The following SLC5A10 variants were observed in gnomAD, a reference collection of about 807,000 sequenced individuals.
The protein encoded by SLC5A10 is sodium/mannose cotransporter SLC5A10.
In SLC5A10, 55 loss-of-function variants were observed where a neutral mutation model predicts 68.9. The observed-to-expected ratio is 0.80, with a 90% CI of 0.64 to 1.00. The LOEUF (loss-of-function observed/expected upper bound fraction) is 1.00. SLC5A10 is among the 50% of genes least tolerant of loss of function. The pLI is 0.00. For synonymous variants in SLC5A10, 344 were observed against 344.8 expected (o/e 1.00, Z 0.02); for missense variants, 732 against 819.3 (o/e 0.89, Z 1.30).
chr17:18,979,096 C>T (rs895134272), intron 9 of SLC5A10: 2 of 574,308 alleles, frequency 3.5e-6, no homozygotes, highest in Non-Finnish European at 6.2e-6. Flanking sequence ...CAGGCTGGTA[C>T]AGGATTCACT....
In SLC5A10 at chr17:18,987,120, G is replaced by C. The variant is rs144046929; in HGVS notation, c.982+10131G>C. ...CAAATGCTGACAAATTACAGGCGTG[G>C]AGCCCGGCCCCTTGTTAACCAGACT... On this transcript the variant is annotated intron_variant, in intron 9 of 14. Coordinates refer to ENST00000395645, the MANE Select transcript of SLC5A10 (RefSeq NM_001042450.4). Among the ~76,000 whole-genome samples the C allele has an allele frequency of 4.3e-3, 656 of 152,298 alleles. 6 individuals carry two copies. Among genetic ancestry groups the C allele is most frequent in the African/African-American group, 0.015 (604 of 41,552 alleles).
At chr17:18,953,504 C>T (rs1433272389) in intron 1 of SLC5A10, 1 of 152,676 alleles carries the variant, frequency 6.5e-6, no homozygotes, top group Non-Finnish European at 1.5e-5. Flanking sequence ...CTGGTCACGT[C>T]CCCTCAGCTT....
At chr17:18,959,089 G>A (rs767267599) in intron 2 of SLC5A10, 46 bp from the exon 3 acceptor site, 15 of 1,571,010 alleles carry the variant, frequency 9.5e-6, no homozygotes, top group South Asian at 1.1e-5. Flanking sequence ...GGATGGGGCC[G>A]GCGCAGGGAG....
At position 18,997,024 on chromosome 17, in the gene SLC5A10, G is replaced by A. The variant is rs574801563; in HGVS notation, c.983-16386G>A. ...GAAACTGGATGAACTCTGAGGTCCC[G>A]TTCCCCTTGACATTCATCAGCTCTG... is the stretch of plus-strand genomic sequence containing the variant. On this transcript the variant is annotated intron_variant, in intron 9 of 14. Coordinates refer to ENST00000395645, the MANE Select transcript of SLC5A10 (RefSeq NM_001042450.4). Among the ~76,000 whole-genome samples the A allele has an allele frequency of 7.2e-5, 11 of 152,298 alleles. No homozygotes were observed. In the South Asian group the frequency reaches 2.3e-3, roughly 32 times the overall value.
chr17:18,972,102 C>T (rs896737444), intron 8 of SLC5A10, among the ~76,000 whole-genome samples: 1 of 152,156 alleles, frequency 6.6e-6, no homozygotes, highest in Admixed American at 6.5e-5. Flanking sequence ...TGACTCTGGC[C>T]CTGCCCTCAA....
At chr17:19,006,974 A>G (rs771645883) in intron 9 of SLC5A10, among the ~76,000 whole-genome samples, 12 of 152,294 alleles carry the variant, frequency 7.9e-5, no homozygotes, top group African/African-American at 1.4e-4. Context: ...GATTATTACA[A>G]ATAACCTTGT....
chr17:18,978,977 G>A, intron 9 of SLC5A10: 1 of 1,079,674 alleles, frequency 9.3e-7, no homozygotes, highest in East Asian at 2.6e-5. Context: ...AGTGAATGGG[G>A]GCAGAGAGCA....
At position 18,996,586 on chromosome 17, in the gene SLC5A10, G is replaced by A. The variant is rs771410158; in HGVS notation, c.983-16824G>A. 3.3e-5 allele frequency among the ~76,000 whole-genome samples: 5 copies of A among 152,074 alleles called. No individual in the cohort carries two copies. The highest frequency in any genetic ancestry group is 7.4e-5 in the Non-Finnish European group (5 of 68,002). ...CATCTTGCCTCCCAGGGTAAAGGGA[G>A]TCTGTGTACTTGGTAACAAATGCTG... On this transcript the variant is annotated intron_variant, in intron 9 of 14. Coordinates refer to ENST00000395645, the MANE Select transcript of SLC5A10 (RefSeq NM_001042450.4). The surrounding 1 kb of genome is among the most constrained non-coding windows in gnomAD (Gnocchi z 4.4).
rs144827085 is a variant in SLC5A10 at position 19,008,881 on chromosome 17, C to T, written c.983-4529C>T. Reference sequence around the variant, plus strand: ...AGGCTGGAGTGCAATGGCCTGATCTCGGCTCACTGCAACCTCCATCTCCCA... The same window carrying T: ...AGGCTGGAGTGCAATGGCCTGATCTTGGCTCACTGCAACCTCCATCTCCCA... On this transcript the variant is annotated intron_variant, in intron 9 of 14. Coordinates refer to ENST00000395645, the MANE Select transcript of SLC5A10 (RefSeq NM_001042450.4). Among the ~76,000 whole-genome samples the T allele has an allele frequency of 3.7e-3, 564 of 150,582 alleles. 1 individual carries two copies. The highest frequency in any genetic ancestry group is 0.013 in the African/African-American group (522 of 40,934).
At chr17:19,002,851 G>T (rs2043766003) in intron 9 of SLC5A10, among the ~76,000 whole-genome samples, 1 of 152,104 alleles carries the variant, frequency 6.6e-6, no homozygotes, top group Non-Finnish European at 1.5e-5. Flanking sequence ...AAGGCTTGAG[G>T]TCCCTTCCGG....
At chr17:18,977,487 G>A (rs1359534611) in intron 9 of SLC5A10, 1 of 1,236,736 alleles carries the variant, frequency 8.1e-7, no homozygotes. Flanking sequence ...AGTCATCAGA[G>A]TCAGGGACAT....
chr17:18,971,373 G>T lies in SLC5A10; in HGVS notation c.846+155G>T, dbSNP rs1175946051. The T allele has an allele frequency of 8.8e-6, 13 of 1,483,390 alleles. No individual in the cohort carries two copies. The highest frequency in any genetic ancestry group is 1.2e-5 in the Non-Finnish European group (13 of 1,123,738). The allele number at this position is 1,483,390 out of a possible 1,614,324, so 91.9% of individuals were successfully genotyped here. A position where few individuals can be genotyped will look rare whatever the true frequency, so the allele number is the denominator to read the frequency against. The stretch of plus-strand genomic sequence containing the variant: ...GGGACATGCTGCTAGGGGTCTTTGC[G>T]GTCCCGGGGGGCTTGAGCCCTCCGT... On this transcript the variant is annotated intron_variant, in intron 8 of 14. Coordinates refer to ENST00000395645, the MANE Select transcript of SLC5A10 (RefSeq NM_001042450.4). This position sits in a 1 kb window ranked among gnomAD's most constrained non-coding sequence, Gnocchi z 5.5.
At position 19,022,522 on chromosome 17, in the gene SLC5A10, C is replaced by CA. The variant is rs1408527451; in HGVS notation, c.*2094dup. 3 of 212,586 alleles carry CA rather than the reference C, an allele frequency of 1.4e-5. No individual in the cohort carries two copies. The highest frequency in any genetic ancestry group is 2.8e-5 in the Non-Finnish European group (3 of 108,092). 13.2% of individuals were successfully genotyped at this position (212,586 alleles called of 1,614,324 possible). A position where few individuals can be genotyped will look rare whatever the true frequency, so the allele number is the denominator to read the frequency against. On this transcript the variant is annotated 3_prime_UTR_variant, in exon 15 of 15. Transcript: ENST00000395645. The stretch of plus-strand genomic sequence containing the variant: ...CATGGTAGCTTTTGACTCCAGGCCA[C>CA]AAAGCCATGAGAATGGGCCTTATAA...
intron 12 of SLC5A10, 33 bp from the exon 13 acceptor site, chr17:19,019,676 CCCGT>C: frequency 1.2e-6 from 2 of 1,603,140 alleles, no homozygotes; most frequent in Non-Finnish European, 1.7e-6. Flanking sequence ...TGGTCCTCCT[CCCGT>C]AGCCCCACAT....
intron 9 of SLC5A10, among the ~76,000 whole-genome samples, chr17:19,005,058 G>A (rs1239158469): frequency 1.3e-5 from 2 of 152,226 alleles, no homozygotes; most frequent in Non-Finnish European, 2.9e-5. Context: ...GTCTGTTGGT[G>A]ATCCTGGATC....
At chr17:18,986,463 T>C (rs1312498950) in intron 9 of SLC5A10, 1 of 152,228 alleles carries the variant, frequency 6.6e-6, no homozygotes, top group African/African-American at 2.4e-5. Context: ...GGAATTGCTT[T>C]GGGCAAGGCA....
intron 9 of SLC5A10, among the ~76,000 whole-genome samples, chr17:19,012,182 C>T (rs879792343): frequency 6.7e-6 from 1 of 149,892 alleles, no homozygotes; most frequent in Non-Finnish European, 1.5e-5. Context: ...GGTCAACTCT[C>T]TTCATCCCTA....
intron 9 of SLC5A10, chr17:18,978,113 C>A: frequency 6.6e-7 from 1 of 1,516,938 alleles, no homozygotes. Context: ...ACTGCTGTCC[C>A]GGGCTAGTAC....
At chr17:18,991,775 C>T (rs2043432360) in intron 9 of SLC5A10, among the ~76,000 whole-genome samples, 1 of 152,236 alleles carries the variant, frequency 6.6e-6, no homozygotes, top group African/African-American at 2.4e-5. Flanking sequence ...CAGCCCAGCT[C>T]CCAAGTGAAG....
Sources: gnomAD v4.1 joint callset for allele counts (sites outside exome capture counted in the v4.1 genomes callset) on GRCh38, gnomAD v4.1.1 for gene constraint, Gnocchi (gnomAD v3.1) non-coding constraint, MANE v1.5 for transcripts, NCBI Gene and HGNC (gene_info 2026-07-23, HGNC 2026-07-21) for gene names.